TENM3: variants seen among roughly 807,000 people sequenced by gnomAD.
The protein encoded by TENM3 is teneurin transmembrane protein 3.
TENM3 carries 63 observed loss-of-function variants against 255.1 expected under a neutral mutation model. The observed-to-expected ratio is 0.25, with a 90% CI of 0.20 to 0.30. The LOEUF is 0.30. TENM3 is among the 10% of genes least tolerant of loss of function. The pLI is 1.00. For missense variants in TENM3, 2,929 were observed against 3,461.1 expected (o/e 0.85, Z 3.86); for synonymous variants, 1,306 against 1,322.3 (o/e 0.99, Z 0.27).
At chr4:181,948,523 C>A in the TENM3 span, among the ~76,000 whole-genome samples, 1 of 152,148 alleles carries the variant, frequency 6.6e-6, no homozygotes, top group East Asian at 1.9e-4. Context: ...TCAAGAGATT[C>A]TCCTGCCTCA....
chr4:182,541,601 G>A (rs150610358), intron 3 of TENM3, among the ~76,000 whole-genome samples: 1,684 of 152,246 alleles, frequency 0.011, 22 homozygotes, highest in Non-Finnish European at 0.019. Context: ...TGTAGTATAT[G>A]TAACGAAGAG....
At chr4:182,675,067 G>A (rs749142103) in intron 7 of TENM3, among the ~76,000 whole-genome samples, 1 of 151,552 alleles carries the variant, frequency 6.6e-6, no homozygotes, top group Admixed American at 6.6e-5. Flanking sequence ...GTAGACATAG[G>A]TTTTCTCCAT....
the TENM3 span, among the ~76,000 whole-genome samples, chr4:181,572,777 T>A: frequency 2.6e-5 from 4 of 152,208 alleles, no homozygotes; most frequent in African/African-American, 4.8e-5. Context: ...TTTAAATATA[T>A]AATAAATTAT....
intron 23 of TENM3, 65 bp downstream of exon 23, chr4:182,773,712 A>G (rs1248347965): frequency 1.2e-5 from 18 of 1,448,376 alleles, no homozygotes; most frequent in Non-Finnish European, 1.7e-5. Flanking sequence ...GGCAACACCC[A>G]CTTTCCAAGG....
the TENM3 span, among the ~76,000 whole-genome samples, chr4:182,101,101 AGGG>A: frequency 7.7e-5 from 4 of 51,650 alleles, no homozygotes; most frequent in East Asian, 5.9e-4. Context: ...GGAGGGAGGG[AGGG>A]AGGAAGGAAA....
chr4:182,450,039 A>G (rs1406768696), intron 3 of TENM3, among the ~76,000 whole-genome samples: 1 of 152,228 alleles, frequency 6.6e-6, no homozygotes, highest in Non-Finnish European at 1.5e-5. Flanking sequence ...CTGTGTCACA[A>G]AGTCATTCTG....
At chr4:182,493,052 T>C (rs1735452683) in intron 3 of TENM3, among the ~76,000 whole-genome samples, 1 of 152,172 alleles carries the variant, frequency 6.6e-6, no homozygotes, top group Non-Finnish European at 1.5e-5. Flanking sequence ...GAAGGACAAT[T>C]AGTTCTTAGA....
intron 1 of TENM3, among the ~76,000 whole-genome samples, chr4:182,177,790 A>G (rs549262227): frequency 1.3e-5 from 2 of 151,966 alleles, no homozygotes; most frequent in Admixed American, 1.3e-4. Context: ...ATCCTCCCAA[A>G]GTACTGGGAT....
In TENM3 at chr4:182,801,614, A is replaced by G. The variant is rs142997446; in HGVS notation, c.*1263A>G. 1 of 152,412 alleles carries G rather than the reference A, an allele frequency of 6.6e-6. No individual in the cohort carries two copies. The highest frequency in any genetic ancestry group is 2.4e-5 in the African/African-American group (1 of 41,582). 9.4% of individuals were successfully genotyped at this position (152,412 alleles called of 1,614,324 possible). A position where few individuals can be genotyped will look rare whatever the true frequency, so the allele number is the denominator to read the frequency against. Reference sequence around the variant, plus strand: ...ATAGGAGGAGGAAAGGTTCTGATGTAGTCGTGATCCTAAACACGTGTCTTA... The same window carrying G: ...ATAGGAGGAGGAAAGGTTCTGATGTGGTCGTGATCCTAAACACGTGTCTTA... On this transcript the variant is annotated 3_prime_UTR_variant, in exon 28 of 28. Transcript: ENST00000511685.
chr4:182,542,526 C>G (rs1178468848), intron 3 of TENM3, among the ~76,000 whole-genome samples: 1 of 152,108 alleles, frequency 6.6e-6, no homozygotes, highest in Non-Finnish European at 1.5e-5. Flanking sequence ...CTTTGTGTCA[C>G]TTTATATAGG....
the TENM3 span, among the ~76,000 whole-genome samples, chr4:181,944,259 A>G: frequency 6.6e-6 from 1 of 151,682 alleles, no homozygotes; most frequent in East Asian, 1.9e-4. Context: ...AGGGTGGGAC[A>G]CTGATATTAT....
chr4:181,931,011 T>C, the TENM3 span, among the ~76,000 whole-genome samples: 2 of 152,200 alleles, frequency 1.3e-5, no homozygotes, highest in Non-Finnish European at 2.9e-5. Context: ...TGATGGAACA[T>C]ATCTCAAAAT....
At chr4:182,021,018 T>C in the TENM3 span, among the ~76,000 whole-genome samples, 2 of 152,144 alleles carry the variant, frequency 1.3e-5, no homozygotes, top group Non-Finnish European at 2.9e-5. Context: ...AATGCTGAGG[T>C]TGGGGCTTCT....
chr4:181,511,337 G>A, the TENM3 span, among the ~76,000 whole-genome samples: 2 of 152,204 alleles, frequency 1.3e-5, no homozygotes, highest in Non-Finnish European at 2.9e-5. Flanking sequence ...TCTCAGATGA[G>A]AAGATGATGA....
chr4:182,512,100 A>G lies in TENM3; in HGVS notation c.512-88824A>G, dbSNP rs1737463270. ...CCTGGGATAGTGAAAGTAAAGGAGGATGTGGAAGAGACTATTTCATATTAC... is the reference window on the plus strand; with the variant it reads ...CCTGGGATAGTGAAAGTAAAGGAGGGTGTGGAAGAGACTATTTCATATTAC... On this transcript the variant is annotated intron_variant, in intron 3 of 27. Coordinates refer to ENST00000511685, the MANE Select transcript of TENM3 (RefSeq NM_001080477.4). Among the ~76,000 whole-genome samples, 3 of 152,148 alleles carry G rather than the reference A, an allele frequency of 2.0e-5. No homozygotes were observed. The South Asian group carries it at 6.2e-4, about 32-fold the overall frequency.
At chr4:181,909,389 G>T in the TENM3 span, among the ~76,000 whole-genome samples, 16 of 152,138 alleles carry the variant, frequency 1.1e-4, no homozygotes, top group African/African-American at 3.6e-4. Context: ...AATGTTTGTT[G>T]CCACAGACAA....
the TENM3 span, among the ~76,000 whole-genome samples, chr4:181,764,750 G>A: frequency 2.0e-5 from 3 of 152,208 alleles, no homozygotes; most frequent in Admixed American, 6.5e-5. Flanking sequence ...TACTGCAGCA[G>A]TACAGTCTCG....
At chr4:181,462,337 C>T in the TENM3 span, among the ~76,000 whole-genome samples, 1 of 152,082 alleles carries the variant, frequency 6.6e-6, no homozygotes, top group Admixed American at 6.5e-5. Flanking sequence ...ATTTCCCTGC[C>T]CTGCATGTCA....
At chr4:181,534,520 G>C in the TENM3 span, among the ~76,000 whole-genome samples, 6 of 151,584 alleles carry the variant, frequency 4.0e-5, no homozygotes, top group African/African-American at 1.5e-4. Context: ...CCTTTAGCTT[G>C]GCTGTTCCTG....
Sources: allele counts gnomAD v4.1 joint callset (sites outside exome capture counted in the v4.1 genomes callset), GRCh38; gene constraint gnomAD v4.1.1; transcripts MANE v1.5; gene names NCBI Gene and HGNC (gene_info 2026-07-23, HGNC 2026-07-21).